IQGAP2: variants seen among roughly 807,000 people sequenced by gnomAD.
IQGAP2 encodes IQ motif containing GTPase activating protein 2, also known as ras GTPase-activating-like protein IQGAP2.
Under a neutral mutation model 201.3 loss-of-function variants are expected in IQGAP2, and 173 were observed. The ratio of observed to expected loss-of-function variants is 0.86; its 90% CI spans 0.76 to 0.98. IQGAP2 has a LOEUF of 0.98. Ranked by LOEUF, IQGAP2 falls within the 50% of genes least tolerant of loss-of-function variation. The probability of loss-of-function intolerance (pLI) is 0.00; values close to 1 mark genes in which losing one functional copy is unlikely to be tolerated. For synonymous variants in IQGAP2, 675 were observed against 673.9 expected, an observed-to-expected ratio of 1.00 and a Z score of -0.03; for missense variants, 1,687 against 1,864.8, an observed-to-expected ratio of 0.90 and a Z score of 1.76.
At chr5:76,436,625 G>C (rs191185840) in intron 1 of IQGAP2, among the ~76,000 whole-genome samples, 33 of 142,134 alleles carry the variant, frequency 2.3e-4, no homozygotes, top group African/African-American at 7.9e-4. Flanking sequence ...CTGCCTCCCA[G>C]GTTCAAGTGA....
chr5:76,556,183 T>A (rs548750659), intron 2 of IQGAP2, among the ~76,000 whole-genome samples: 17 of 152,264 alleles, frequency 1.1e-4, no homozygotes, highest in East Asian at 1.9e-4. Context: ...CAAGAGGCAG[T>A]GTCTGATTTA....
At chr5:76,418,291 C>T (rs6887962) in intron 1 of IQGAP2, among the ~76,000 whole-genome samples, 59,838 of 151,100 alleles carry the variant, frequency 0.4, 13,309 homozygotes, top group East Asian at 0.52. Flanking sequence ...ATCTTTGAGA[C>T]GTAACTTTTT....
In IQGAP2 at chr5:76,671,969, G is replaced by C; in HGVS notation, c.3054G>C (p.Gln1018His). ...CTTGGGTGAACCAACTAGAAACACA[G>C]ACTGGAGAGGCCAGGTAATAGAATC... ...YKAWVNQLET[Q>H]TGEASKLPYD... The change falls in exon 24 of 36, where the codon CAG becomes CAC. Residue 1018 changes from glutamine to histidine, a missense_variant. Transcript: ENST00000274364. The C allele has an allele frequency of 3.1e-6, 5 of 1,612,132 alleles. No individual in the cohort carries two copies. Among genetic ancestry groups the C allele is most frequent in the Non-Finnish European group, 8.5e-7 (1 of 1,178,372 alleles).
intron 17 of IQGAP2, among the ~76,000 whole-genome samples, chr5:76,652,345 G>T (rs527493552): frequency 7.2e-5 from 11 of 152,188 alleles, no homozygotes; most frequent in Non-Finnish European, 1.5e-4. Context: ...TTGTGGTAAA[G>T]ATACTTAATA....
At position 76,498,952 on chromosome 5, in the gene IQGAP2, G is replaced by T. The variant is rs192567097; in HGVS notation, c.146+37283G>T. The stretch of plus-strand genomic sequence containing the variant: ...GGATGAGGGGCTTTGCCCGCAAGAG[G>T]ATGAAAAGAAAATAGTAGAAACAGG... On this transcript the variant is annotated intron_variant, in intron 2 of 35. Coordinates refer to ENST00000274364, the MANE Select transcript of IQGAP2 (RefSeq NM_006633.5). Among the ~76,000 whole-genome samples, 30 of 152,316 alleles carry T rather than the reference G, an allele frequency of 2.0e-4. 2 individuals carry two copies. In the East Asian group the frequency reaches 5.4e-3, roughly 27 times the overall value.
intron 5 of IQGAP2, among the ~76,000 whole-genome samples, chr5:76,576,101 A>G (rs1010543688): frequency 3.3e-5 from 5 of 152,230 alleles, no homozygotes; most frequent in Admixed American, 3.3e-4. Flanking sequence ...GTTATGACCT[A>G]GTTTACAAAT....
At chr5:76,427,106 G>T (rs953299379) in intron 1 of IQGAP2, among the ~76,000 whole-genome samples, 2 of 152,146 alleles carry the variant, frequency 1.3e-5, no homozygotes, top group African/African-American at 4.8e-5. Flanking sequence ...TCTTGGTTGT[G>T]GGGTGCTGAC....
chr5:76,700,937 C>A, intron 33 of IQGAP2, 139 bp from the exon 34 acceptor site: 2 of 784,334 alleles, frequency 2.5e-6, no homozygotes, highest in Non-Finnish European at 4.0e-6. Flanking sequence ...TACCTACTAT[C>A]ACAAAATAAA....
intron 2 of IQGAP2, among the ~76,000 whole-genome samples, chr5:76,521,726 A>G (rs369508255): frequency 1.3e-5 from 2 of 152,194 alleles, no homozygotes; most frequent in South Asian, 2.1e-4. Context: ...GTTCTGGTTC[A>G]GTTGCTCTCA....
intron 21 of IQGAP2, 81 bp downstream of exon 21, chr5:76,658,748 A>T: frequency 8.4e-7 from 1 of 1,196,814 alleles, no homozygotes; most frequent in Non-Finnish European, 1.2e-6. Flanking sequence ...AATGACAGGG[A>T]TACATTCTCA....
At chr5:76,578,659 A>C (rs554552578) in intron 5 of IQGAP2, among the ~76,000 whole-genome samples, 1 of 152,224 alleles carries the variant, frequency 6.6e-6, no homozygotes, top group South Asian at 2.1e-4. Context: ...TCATTTTTTC[A>C]AAAGTAATGT....
chr5:76,611,259 C>A (rs888186793), intron 13 of IQGAP2, 76 bp downstream of exon 13: 2 of 1,109,508 alleles, frequency 1.8e-6, no homozygotes, highest in African/African-American at 1.6e-5. Context: ...AGGATTTGAC[C>A]CATTTACGTT....
intron 8 of IQGAP2, 109 bp downstream of exon 8, chr5:76,590,695 C>T (rs946326876): frequency 7.5e-6 from 6 of 799,968 alleles, no homozygotes; most frequent in Admixed American, 2.9e-5. Flanking sequence ...GCTATTTTCT[C>T]TATAGCCGTA....
intron 13 of IQGAP2, chr5:76,618,016 G>T: frequency 1.2e-6 from 2 of 1,614,188 alleles, no homozygotes; most frequent in Non-Finnish European, 8.5e-7. Flanking sequence ...TCCTGCTTCA[G>T]TATGAAAAAT....
chr5:76,591,205 T>C (rs1389828627), intron 8 of IQGAP2, among the ~76,000 whole-genome samples: 4 of 152,362 alleles, frequency 2.6e-5, no homozygotes, highest in Admixed American at 6.5e-5. Context: ...CAACTCATGA[T>C]CATCCCTTGT....
chr5:76,673,976 A>G lies in IQGAP2; in HGVS notation c.3234A>G (p.Lys1078=), dbSNP rs145178581. The G allele has an allele frequency of 1.4e-3, 2,265 of 1,604,306 alleles. 28 individuals are homozygous for G. In the African/African-American group the frequency reaches 0.026, roughly 18 times the overall value. The stretch of plus-strand genomic sequence containing the variant: ...GTTATGGATTGAGGTATATAGCCAA[A>G]GTACTGAAGAATTCGATCCATGAGA... ...LLPYGLRYIA[K]VLKNSIHEKF... Residue 1078 remains lysine (K), a synonymous_variant, in exon 26 of 36, where the codon AAA becomes AAG. Transcript: ENST00000274364.
chr5:76,429,579 A>T (rs1752220676), intron 1 of IQGAP2, among the ~76,000 whole-genome samples: 1 of 122,404 alleles, frequency 8.2e-6, no homozygotes, highest in Non-Finnish European at 1.8e-5. Flanking sequence ...CTCAAAAAAA[A>T]ATTTATATAT....
At chr5:76,521,640 C>T (rs938812651) in intron 2 of IQGAP2, among the ~76,000 whole-genome samples, 34 of 152,316 alleles carry the variant, frequency 2.2e-4, no homozygotes, top group African/African-American at 7.5e-4. Context: ...CTCTTAGGAA[C>T]CAGAGACCAT....
intron 13 of IQGAP2, among the ~76,000 whole-genome samples, chr5:76,625,632 C>G (rs2431350): frequency 0.64 from 97,742 of 152,068 alleles, 31,634 homozygotes; most frequent in Middle Eastern, 0.68. Flanking sequence ...AGATGTTGCA[C>G]GATGAAATAA....
Sources: gnomAD v4.1 joint callset for allele counts (sites outside exome capture counted in the v4.1 genomes callset) on GRCh38, gnomAD v4.1.1 for gene constraint, MANE v1.5 for transcripts, NCBI Gene and HGNC (gene_info 2026-07-23, HGNC 2026-07-21) for gene names.